The following ABCB9 variants were observed in gnomAD, a reference collection of about 807,000 sequenced individuals.
ABCB9 encodes ATP binding cassette subfamily B member 9.
A neutral mutation model predicts 62.0 loss-of-function variants in ABCB9; 36 were observed. That is an observed-to-expected ratio of 0.58 (90% CI 0.45 to 0.77). The LOEUF (loss-of-function observed/expected upper bound fraction) is 0.77, where lower values mean the gene tolerates loss of function less well. Among genes scored for constraint, ABCB9 ranks in the 30% least tolerant of loss-of-function variants. The probability of loss-of-function intolerance (pLI) is 0.00; values close to 1 mark genes in which losing one functional copy is unlikely to be tolerated. For missense variants in ABCB9, 943 were observed against 1,054.7 expected (o/e 0.89, Z 1.47); for synonymous variants, 435 against 461.4 (o/e 0.94, Z 0.73).
At chr12:122,966,525 C>T (rs1056322098), upstream of ABCB9, 4 of 151,964 alleles carry the variant, frequency 2.6e-5, no homozygotes, top group Admixed American at 6.6e-5. Context: ...GGGCGGGGAT[C>T]CTGGGGCAGG....
At position 122,944,911 on chromosome 12, in the gene ABCB9, C is replaced by A. The variant is rs931132759; in HGVS notation, c.1252-392G>T. ...CACAGTGAGCTCTCTGTCTCCTCCCCCAGTGGGGTTCCGTGAAGAAGGGGC... is the reference window on the plus strand; with the variant it reads ...CACAGTGAGCTCTCTGTCTCCTCCCACAGTGGGGTTCCGTGAAGAAGGGGC... On this transcript the variant is annotated intron_variant, in intron 6 of 11. Transcript: ENST00000280560. The surrounding 1 kb of genome is among the most constrained non-coding windows in gnomAD (Gnocchi z 4.9). Among the ~76,000 whole-genome samples, 2 of 152,232 alleles carry A rather than the reference C, an allele frequency of 1.3e-5. No individual in the cohort carries two copies. Among genetic ancestry groups the A allele is most frequent in the Admixed American group, 6.5e-5 (1 of 15,290 alleles).
chr12:122,925,585 A>G (rs570002941), downstream of ABCB9, among the ~76,000 whole-genome samples: 18 of 152,254 alleles, frequency 1.2e-4, no homozygotes, highest in African/African-American at 4.1e-4. Flanking sequence ...CGTCTCTACT[A>G]AAAACGCAAA....
Position 122,944,256 on chromosome 12 carries a change from G to T in ABCB9, c.1380+135C>A. ...GTATTATCATTCTTGATATGATCAT[G>T]CTGTCTCCCCTACTTACCTTAGAGA... is the stretch of plus-strand genomic sequence containing the variant. On this transcript the variant is annotated intron_variant, in intron 7 of 11. Coordinates refer to ENST00000280560, the MANE Select transcript of ABCB9 (RefSeq NM_019625.4). This position sits in a 1 kb window ranked among gnomAD's most constrained non-coding sequence, Gnocchi z 4.9. 7.7e-7 allele frequency: 1 copy of T among 1,299,614 alleles called. No homozygotes were observed. Among genetic ancestry groups the T allele is most frequent in the Non-Finnish European group, 1.0e-6 (1 of 953,686 alleles). 80.5% of individuals were successfully genotyped at this position (1,299,614 alleles called of 1,614,324 possible). A position where few individuals can be genotyped will look rare whatever the true frequency, so the allele number is the denominator to read the frequency against.
intron 9 of ABCB9, among the ~76,000 whole-genome samples, chr12:122,936,036 T>C (rs2035441965): frequency 6.6e-6 from 1 of 152,014 alleles, no homozygotes; most frequent in African/African-American, 2.4e-5. Flanking sequence ...AAAGACCCCA[T>C]ATCTACAAAA....
intron 1 of ABCB9, chr12:122,972,839 A>T (rs2037294530): frequency 6.6e-6 from 1 of 152,190 alleles, no homozygotes; most frequent in Non-Finnish European, 1.5e-5. Context: ...AAGTATGTGT[A>T]AATATACACA....
intron 9 of ABCB9, among the ~76,000 whole-genome samples, chr12:122,938,397 T>C (rs1174692477): frequency 6.6e-6 from 1 of 151,864 alleles, no homozygotes; most frequent in Non-Finnish European, 1.5e-5. Flanking sequence ...CTGGGCATAA[T>C]GGCATGTGCC....
chr12:122,952,607 G>A (rs971937637), intron 2 of ABCB9: 2 of 152,200 alleles, frequency 1.3e-5, no homozygotes, highest in Admixed American at 6.5e-5. Flanking sequence ...TTCTGCCTCA[G>A]TTTACCCACA....
intron 1 of ABCB9, chr12:122,973,328 G>T (rs185983251): frequency 6.6e-6 from 1 of 152,158 alleles, no homozygotes; most frequent in East Asian, 1.9e-4. Context: ...ACTTTGGGAG[G>T]CCGAGGCGGG....
intron 1 of ABCB9, among the ~76,000 whole-genome samples, chr12:122,961,331 G>T (rs2036894088): frequency 6.6e-6 from 1 of 152,008 alleles, no homozygotes; most frequent in Non-Finnish European, 1.5e-5. Context: ...GGGACTACAG[G>T]TACCCCACCA....
chr12:122,963,115 T>A (rs1283363180), intron 1 of ABCB9, among the ~76,000 whole-genome samples: 1 of 152,114 alleles, frequency 6.6e-6, no homozygotes, highest in East Asian at 1.9e-4. Flanking sequence ...CTGGGCAACA[T>A]GGCGAAATCC....
At chr12:122,924,673 A>T, downstream of ABCB9, 1 of 1,514,672 alleles carries the variant, frequency 6.6e-7, no homozygotes, top group Non-Finnish European at 8.8e-7. Context: ...TGGCGCCAGG[A>T]CTAAGCCAGC....
At chr12:122,949,952 T>C in intron 3 of ABCB9, 34 bp from the exon 4 acceptor site, 1 of 1,613,206 alleles carries the variant, frequency 6.2e-7, no homozygotes, top group South Asian at 1.1e-5. Flanking sequence ...TAGCACGATG[T>C]CCTTCCAGAC....
At position 122,947,483 on chromosome 12, in the gene ABCB9, C is replaced by A. The variant is rs1202160862; in HGVS notation, c.1053+1141G>T. The A allele has an allele frequency of 2.2e-6, 1 of 455,040 alleles. No individual in the cohort carries two copies. The highest frequency in any genetic ancestry group is 1.6e-5 in the South Asian group (1 of 64,476). 28.2% of individuals were successfully genotyped at this position (455,040 alleles called of 1,614,324 possible). A position where few individuals can be genotyped will look rare whatever the true frequency, so the allele number is the denominator to read the frequency against. On this transcript the variant is annotated intron_variant, in intron 5 of 11. Coordinates refer to ENST00000280560, the MANE Select transcript of ABCB9 (RefSeq NM_019625.4). The surrounding 1 kb of genome is among the most constrained non-coding windows in gnomAD (Gnocchi z 6.0). Reference sequence around the variant, plus strand: ...GCTGCGACAATGACTTACCCGGCACCACCTGGAGGCCGTCATGCATCCAAG... The same window carrying A: ...GCTGCGACAATGACTTACCCGGCACAACCTGGAGGCCGTCATGCATCCAAG...
intron 2 of ABCB9, among the ~76,000 whole-genome samples, chr12:122,958,073 G>A (rs1198358230): frequency 6.7e-6 from 1 of 150,054 alleles, no homozygotes; most frequent in Non-Finnish European, 1.5e-5. Flanking sequence ...GGGTGGCTGA[G>A]GCAGGAGAAT....
In ABCB9 at chr12:122,959,079, C is replaced by T. The variant is rs1266273722; in HGVS notation, c.601+556G>A. On this transcript the variant is annotated intron_variant, in intron 2 of 11. Coordinates refer to ENST00000280560, the MANE Select transcript of ABCB9 (RefSeq NM_019625.4). The surrounding 1 kb of genome is among the most constrained non-coding windows in gnomAD (Gnocchi z 5.4). ...ACATAAAATAGAAATGGGGCAGGCA[C>T]CGTGGCTCACGCCTGTAATCCCAGC... Among the ~76,000 whole-genome samples the T allele has an allele frequency of 4.7e-5, 7 of 148,820 alleles. No homozygotes were observed. Among genetic ancestry groups the T allele is most frequent in the Admixed American group, 4.7e-4 (7 of 14,932 alleles).
rs1264982381 is a variant in ABCB9 at position 122,929,972 on chromosome 12, G to C, written c.2240C>G (p.Pro747Arg). 8 of 1,580,290 alleles carry C rather than the reference G, an allele frequency of 5.1e-6. No individual in the cohort carries two copies. The highest frequency in any genetic ancestry group is 1.3e-5 in the African/African-American group (1 of 74,754). Residue 747 changes from proline (P) to arginine (R), a missense_variant, in exon 12 of 12, where the codon CCC becomes CGC. Transcript: ENST00000280560. This position sits in a 1 kb window ranked among gnomAD's most constrained non-coding sequence, Gnocchi z 6.0. The stretch of plus-strand genomic sequence containing the variant: ...GTGGCCAGCTGTGAAGTCTGCGGCG[G>C]GCTGAAGCCCCAGCATCTGCCGCTG... ...LVQRQMLGLQPAADFTAGHNE... is the reference protein window; with the variant it reads ...LVQRQMLGLQRAADFTAGHNE...
rs2135828041 is a variant in ABCB9, at chr12:122,944,717, C to T, written c.1252-198G>A. ...GCCCCGAGCATTTCCCTACAGAGGC[C>T]TCCAGCTGGAGCAGGCTGTGGGCTT... On this transcript the variant is annotated intron_variant, in intron 6 of 11. Transcript: ENST00000280560. The surrounding 1 kb of genome is among the most constrained non-coding windows in gnomAD (Gnocchi z 4.9). 3.1e-6 allele frequency: 2 copies of T among 654,020 alleles called. No homozygotes were observed. The highest frequency in any genetic ancestry group is 6.2e-5 in the East Asian group (2 of 32,086). The allele number at this position is 654,020 out of a possible 1,614,324, so 40.5% of individuals were successfully genotyped here. A position where few individuals can be genotyped will look rare whatever the true frequency, so the allele number is the denominator to read the frequency against.
chr12:122,973,184 G>A (rs986271616), intron 1 of ABCB9: 1 of 152,312 alleles, frequency 6.6e-6, no homozygotes, highest in African/African-American at 2.4e-5. Context: ...GGTCCATGGA[G>A]AGGGCCAATC....
chr12:122,941,361 G>A (rs1246412284), intron 7 of ABCB9, among the ~76,000 whole-genome samples: 1 of 150,708 alleles, frequency 6.6e-6, no homozygotes, highest in East Asian at 1.9e-4. Flanking sequence ...CCAGGCTGGA[G>A]TGCATTGGTG....
Sources: gnomAD v4.1 joint callset for allele counts (sites outside exome capture counted in the v4.1 genomes callset) on GRCh38, gnomAD v4.1.1 for gene constraint, Gnocchi (gnomAD v3.1) non-coding constraint, MANE v1.5 for transcripts, NCBI Gene and HGNC (gene_info 2026-07-23, HGNC 2026-07-21) for gene names.